Variants in TJP1 observed in about 807,000 individuals in gnomAD.
TJP1 encodes tight junction protein ZO-1.
In TJP1, 43 loss-of-function variants were observed where a neutral mutation model predicts 194.2. The observed-to-expected ratio is 0.22, with a 90% CI of 0.17 to 0.29. The LOEUF (loss-of-function observed/expected upper bound fraction) is 0.29, where lower values mean the gene tolerates loss of function less well. TJP1 is among the 10% of genes least tolerant of loss of function. The pLI is 1.00. For synonymous variants in TJP1, 801 were observed against 779.0 expected (o/e 1.03, Z -0.47); for missense variants, 1,971 against 2,185.7 (o/e 0.90, Z 1.96).
intron 18 of TJP1, among the ~76,000 whole-genome samples, chr15:29,724,651 G>C (rs1208337599): frequency 6.6e-6 from 1 of 152,122 alleles, no homozygotes; most frequent in Non-Finnish European, 1.5e-5. Flanking sequence ...TAGCAATTAG[G>C]TCAAAGTAGT....
chr15:29,738,105 T>C (rs2044156636), intron 10 of TJP1, among the ~76,000 whole-genome samples: 1 of 152,276 alleles, frequency 6.6e-6, no homozygotes, highest in African/African-American at 2.4e-5. Flanking sequence ...CTAGCATCAG[T>C]GTAGTGTTGA....
chr15:29,783,655 G>A (rs149315714), intron 2 of TJP1, among the ~76,000 whole-genome samples: 2 of 152,346 alleles, frequency 1.3e-5, no homozygotes, highest in Non-Finnish European at 2.9e-5. Context: ...CATGTCCTTT[G>A]CAAGAACACG....
At chr15:29,849,136 G>C (rs1251116729) in intron 2 of TJP1, among the ~76,000 whole-genome samples, 1 of 152,066 alleles carries the variant, frequency 6.6e-6, no homozygotes, top group East Asian at 1.9e-4. Flanking sequence ...AGTAGGTTTT[G>C]TTGAATAACT....
intron 23 of TJP1, among the ~76,000 whole-genome samples, chr15:29,713,199 T>C (rs904625523): frequency 5.3e-5 from 8 of 152,358 alleles, no homozygotes; most frequent in Admixed American, 5.2e-4. Flanking sequence ...TCCTGAAAGG[T>C]AGATTTGATA....
intron 2 of TJP1, among the ~76,000 whole-genome samples, chr15:29,935,999 C>G (rs541720586): frequency 6.6e-6 from 1 of 152,072 alleles, no homozygotes. Context: ...ACATCATCAC[C>G]TCTCTGTAGC....
At chr15:29,936,229 T>A (rs75463427) in intron 2 of TJP1, among the ~76,000 whole-genome samples, 2,267 of 152,130 alleles carry the variant, frequency 0.015, 58 homozygotes, top group African/African-American at 0.051. Flanking sequence ...TCCACAGCCA[T>A]CTAAAGATAC....
At chr15:29,873,002 T>C (rs974275363) in intron 2 of TJP1, among the ~76,000 whole-genome samples, 14 of 152,224 alleles carry the variant, frequency 9.2e-5, no homozygotes, top group South Asian at 4.1e-4. Flanking sequence ...CACGCACCAT[T>C]CATTTCCACA....
At chr15:29,847,982 G>T (rs1051532953) in intron 2 of TJP1, among the ~76,000 whole-genome samples, 2 of 151,880 alleles carry the variant, frequency 1.3e-5, no homozygotes, top group Non-Finnish European at 2.9e-5. Context: ...TTATTTAGAA[G>T]TGTTGTTTTA....
Position 29,797,631 on chromosome 15 carries a change from AAAG to A in TJP1, c.84+3012_84+3014del, listed in dbSNP as rs992212634. On this transcript the variant is annotated intron_variant, in intron 2 of 27. Transcript: ENST00000614355. ...AAACTCAGTAACTTCTGTGTACCAA[AAAG>A]AATAATCACAGAGTAAAAAGGCAAT... 1.7e-4 allele frequency among the ~76,000 whole-genome samples: 26 copies of A among 152,158 alleles called. 1 individual carries two copies. The highest frequency in any genetic ancestry group is 6.3e-4 in the African/African-American group (26 of 41,446).
At chr15:29,846,133 C>G (rs2051398860) in intron 2 of TJP1, among the ~76,000 whole-genome samples, 1 of 152,196 alleles carries the variant, frequency 6.6e-6, no homozygotes, top group African/African-American at 2.4e-5. Context: ...ATTCTCTACA[C>G]TGCACTCAAC....
rs74811335 is a variant in TJP1, at chr15:29,900,700, G to A, written c.306+55532C>T. 2.2e-4 allele frequency among the ~76,000 whole-genome samples: 34 copies of A among 152,296 alleles called. 1 individual carries two copies. In the East Asian group the frequency reaches 6.6e-3, roughly 29 times the overall value. On this transcript the variant is annotated intron_variant, in intron 2 of 28. Coordinates refer to the TJP1 transcript ENST00000356107. Reference sequence around the variant, plus strand: ...TAGATGAGTAATCAATATACATGAAGGCACAGCCCAGTGTACGGCACATGG... The same window carrying A: ...TAGATGAGTAATCAATATACATGAAAGCACAGCCCAGTGTACGGCACATGG...
chr15:29,890,801 TAA>T (rs11292309), intron 2 of TJP1, among the ~76,000 whole-genome samples: 18 of 148,442 alleles, frequency 1.2e-4, no homozygotes, highest in African/African-American at 2.7e-4. Flanking sequence ...CATCTACTGT[TAA>T]AAAAAAAAAA....
At chr15:29,914,881 CGCACACACATGCAT>C (rs1446215124) in intron 2 of TJP1, among the ~76,000 whole-genome samples, 2 of 152,120 alleles carry the variant, frequency 1.3e-5, no homozygotes, top group African/African-American at 2.4e-5. Flanking sequence ...CACACACGCA[CGCACACACATGCAT>C]GCACACACAG....
intron 2 of TJP1, among the ~76,000 whole-genome samples, chr15:29,863,237 A>G (rs2052163088): frequency 6.6e-6 from 1 of 151,984 alleles, no homozygotes; most frequent in Non-Finnish European, 1.5e-5. Context: ...CGGATGTTGC[A>G]GTGAGCCCAG....
rs577615853 is a variant in TJP1, at chr15:29,707,779, TC to T, written c.4850+779del. Among the ~76,000 whole-genome samples the T allele has an allele frequency of 5.3e-5, 8 of 152,340 alleles. No individual in the cohort carries two copies. The South Asian group carries it at 1.0e-3, about 20-fold the overall frequency. On this transcript the variant is annotated intron_variant, in intron 25 of 27. Transcript: ENST00000614355. Reference sequence around the variant, plus strand: ...AAACAGTCAGAGGTTATTCTATTTTTCTTCTTAGCATCATTGTGGAACAAAT... The same window carrying T: ...AAACAGTCAGAGGTTATTCTATTTTTTTCTTAGCATCATTGTGGAACAAAT...
At chr15:29,734,547 G>C (rs1020658998) in intron 11 of TJP1, among the ~76,000 whole-genome samples, 165 bp from the exon 12 acceptor site, 3 of 149,758 alleles carry the variant, frequency 2.0e-5, no homozygotes, top group Non-Finnish European at 3.0e-5. Context: ...GCAATGGCAC[G>C]ATCTCAGCTC....
chr15:29,757,553 C>T (rs188832455), intron 8 of TJP1, among the ~76,000 whole-genome samples: 2 of 152,248 alleles, frequency 1.3e-5, no homozygotes, highest in African/African-American at 4.8e-5. Flanking sequence ...TAAAACTCCA[C>T]AGTTACAGGA....
At chr15:29,787,935 G>C (rs1162022889) in intron 2 of TJP1, among the ~76,000 whole-genome samples, 2 of 152,118 alleles carry the variant, frequency 1.3e-5, no homozygotes, top group African/African-American at 2.4e-5. Flanking sequence ...AGTCCTATCA[G>C]CAATGTACAA....
rs533673062 is a variant in TJP1, at chr15:29,954,311, T to C, written c.306+1921A>G. On this transcript the variant is annotated intron_variant, in intron 2 of 28. Transcript: ENST00000356107. ...TTTGTCTGCTACATTCTAGAAACAT[T>C]ATAACCTCTCCACCAACCAGAATGA... Among the ~76,000 whole-genome samples the C allele has an allele frequency of 2.3e-3, 351 of 152,320 alleles. 2 individuals are homozygous for C. Among genetic ancestry groups the C allele is most frequent in the African/African-American group, 8.0e-3 (333 of 41,580 alleles).
Sources: allele counts gnomAD v4.1 joint callset (sites outside exome capture counted in the v4.1 genomes callset), GRCh38; gene constraint gnomAD v4.1.1; transcripts MANE v1.5; gene names NCBI Gene and HGNC (gene_info 2026-07-23, HGNC 2026-07-21).